Variants in ANKRD27 observed in about 807,000 individuals in gnomAD.
ANKRD27 encodes ankyrin repeat domain 27.
Under a neutral mutation model 129.7 loss-of-function variants are expected in ANKRD27, and 112 were observed. The ratio of observed to expected loss-of-function variants is 0.86; its 90% CI spans 0.74 to 1.01. The LOEUF (loss-of-function observed/expected upper bound fraction) is 1.01. ANKRD27 is among the 50% of genes least tolerant of loss of function. The pLI is 0.00. For synonymous variants in ANKRD27, 516 were observed against 511.2 expected (o/e 1.01, Z -0.13); for missense variants, 1,258 against 1,300.5 (o/e 0.97, Z 0.50).
intron 2 of ANKRD27, among the ~76,000 whole-genome samples, chr19:32,656,087 G>C (rs1432345223): frequency 8.2e-6 from 1 of 121,850 alleles, no homozygotes. Context: ...AAGAAAGAAA[G>C]AAAGAAAGAA....
At chr19:32,658,359 C>T (rs367821636) in intron 2 of ANKRD27, among the ~76,000 whole-genome samples, 1 of 152,210 alleles carries the variant, frequency 6.6e-6, no homozygotes, top group Non-Finnish European at 1.5e-5. Flanking sequence ...CAGGCGACAG[C>T]GTCTCCTGCC....
intron 18 of ANKRD27, 41 bp from the exon 19 acceptor site, chr19:32,619,594 G>A: frequency 6.2e-7 from 1 of 1,609,346 alleles, no homozygotes; most frequent in Non-Finnish European, 8.5e-7. Flanking sequence ...CCCGTGAGAT[G>A]GGGGTCGTCT....
At chr19:32,668,678 G>A (rs1406548193) in intron 1 of ANKRD27, among the ~76,000 whole-genome samples, 1 of 151,704 alleles carries the variant, frequency 6.6e-6, no homozygotes, top group Admixed American at 6.6e-5. Flanking sequence ...GTCTCACTAA[G>A]TTACTTAAGC....
At chr19:32,630,452 C>T (rs1361130510) in intron 13 of ANKRD27, among the ~76,000 whole-genome samples, 3 of 152,262 alleles carry the variant, frequency 2.0e-5, no homozygotes, top group Non-Finnish European at 4.4e-5. Context: ...GTGCACACGC[C>T]CATAAACATC....
intron 1 of ANKRD27, among the ~76,000 whole-genome samples, chr19:32,661,291 A>G (rs1254027993): frequency 2.0e-5 from 3 of 150,488 alleles, no homozygotes; most frequent in African/African-American, 7.3e-5. Context: ...TTGCTTTTTC[A>G]TTTTGTCAAA....
chr19:32,617,191 G>A (rs1298968135), intron 21 of ANKRD27, among the ~76,000 whole-genome samples: 2 of 152,060 alleles, frequency 1.3e-5, no homozygotes, highest in East Asian at 1.9e-4. Context: ...AAACTGAACC[G>A]GAGACAAGAA....
At chr19:32,660,628 C>G (rs906087188) in intron 1 of ANKRD27, among the ~76,000 whole-genome samples, 1 of 152,182 alleles carries the variant, frequency 6.6e-6, no homozygotes, top group Non-Finnish European at 1.5e-5. Context: ...AGACATCCAA[C>G]CTGCAGGATC....
intron 1 of ANKRD27, among the ~76,000 whole-genome samples, chr19:32,660,316 G>C (rs1261528356): frequency 1.3e-5 from 2 of 152,174 alleles, no homozygotes; most frequent in African/African-American, 4.8e-5. Flanking sequence ...GCCAAGTCGG[G>C]AGGATCACCT....
intron 12 of ANKRD27, among the ~76,000 whole-genome samples, chr19:32,634,192 G>C (rs2145290978): frequency 6.6e-6 from 1 of 152,166 alleles, no homozygotes; most frequent in South Asian, 2.1e-4. Context: ...GATACACTTG[G>C]GATTTTTCCC....
intron 24 of ANKRD27, among the ~76,000 whole-genome samples, chr19:32,604,655 A>T (rs1599732693): frequency 6.8e-6 from 1 of 146,416 alleles, no homozygotes; most frequent in South Asian, 2.2e-4. Context: ...AAATGTACAG[A>T]GCAGAAACAG....
At chr19:32,609,973 C>T (rs201983140) in intron 22 of ANKRD27, among the ~76,000 whole-genome samples, 3 of 150,508 alleles carry the variant, frequency 2.0e-5, no homozygotes, top group African/African-American at 4.9e-5. Flanking sequence ...CCCAGGAGTT[C>T]GAAACCAGCC....
intron 17 of ANKRD27, among the ~76,000 whole-genome samples, chr19:32,624,286 G>C (rs1972056754): frequency 1.3e-5 from 2 of 151,566 alleles, no homozygotes; most frequent in African/African-American, 4.9e-5. Context: ...AGAATCGCTT[G>C]AACCCGGGAG....
intron 22 of ANKRD27, among the ~76,000 whole-genome samples, chr19:32,612,110 A>C (rs1422240661): frequency 1.3e-5 from 2 of 152,206 alleles, no homozygotes; most frequent in Non-Finnish European, 2.9e-5. Context: ...TATGTATGCA[A>C]TACCATTTAC....
chr19:32,599,225 G>T (rs1229111696), intron 28 of ANKRD27, among the ~76,000 whole-genome samples: 1 of 152,212 alleles, frequency 6.6e-6, no homozygotes, highest in African/African-American at 2.4e-5. Context: ...AGACTGCAGT[G>T]AGCCGAGATC....
chr19:32,643,766 CT>C (rs78565774), intron 5 of ANKRD27, 135 bp from the exon 6 acceptor site: 698 of 823,964 alleles, frequency 8.5e-4, no homozygotes, highest in Middle Eastern at 1.1e-3. Context: ...TTTTTCTCAA[CT>C]TTTTTTTTAG....
chr19:32,662,349 A>AT (rs1282703940), intron 1 of ANKRD27, among the ~76,000 whole-genome samples: 1 of 145,420 alleles, frequency 6.9e-6, no homozygotes, highest in Non-Finnish European at 1.5e-5. Context: ...AAGTAGACTC[A>AT]TTTCCGCAGC....
chr19:32,661,613 G>C (rs1196090526), intron 1 of ANKRD27, among the ~76,000 whole-genome samples: 2 of 152,122 alleles, frequency 1.3e-5, no homozygotes, highest in African/African-American at 4.8e-5. Context: ...AAAACGCTGG[G>C]ATTACAGGCA....
chr19:32,638,641 G>C (rs1325204864), intron 12 of ANKRD27: 1 of 152,674 alleles, frequency 6.5e-6, no homozygotes, highest in African/African-American at 2.4e-5. Flanking sequence ...TTGGGGCTCT[G>C]CAGTTCCTGG....
chr19:32,644,494 A>C lies in ANKRD27; in HGVS notation c.371-15T>G, dbSNP rs953062739. On this transcript the variant is annotated splice_polypyrimidine_tract_variant and intron_variant, in intron 4 of 28. Coordinates refer to ENST00000306065, the MANE Select transcript of ANKRD27 (RefSeq NM_032139.3). ...CAAAGGCTCTTCTGAAAAAGAAACA[A>C]ACAGGTCAGGCCGGCTGAAGCCTCT... 1.9e-6 allele frequency: 3 copies of C among 1,611,720 alleles called. No homozygotes were observed. In the African/African-American group the frequency reaches 4.0e-5, roughly 22 times the overall value.
Sources: gnomAD v4.1 joint callset for allele counts (sites outside exome capture counted in the v4.1 genomes callset) on GRCh38, gnomAD v4.1.1 for gene constraint, MANE v1.5 for transcripts, NCBI Gene and HGNC (gene_info 2026-07-23, HGNC 2026-07-21) for gene names.